The following DKK2 variants were observed in gnomAD, a reference collection of about 807,000 sequenced individuals.
DKK2 encodes dickkopf Wnt signaling pathway inhibitor 2, also known as dickkopf-related protein 2.
DKK2 carries 11 observed loss-of-function variants against 28.1 expected under a neutral mutation model. The observed-to-expected ratio is 0.39, with a 90% confidence interval of 0.25 to 0.65. The LOEUF (loss-of-function observed/expected upper bound fraction) is 0.65. Ranked by LOEUF, DKK2 falls within the 30% of genes least tolerant of loss-of-function variation. The pLI, the probability that DKK2 is intolerant of heterozygous loss-of-function variation, is 0.47. For missense variants in DKK2, 326 were observed against 335.5 expected (o/e 0.97, Z 0.22); for synonymous variants, 135 against 126.5 (o/e 1.07, Z -0.45).
At chr4:106,994,463 TTCTC>T (rs1215654649) in intron 1 of DKK2, among the ~76,000 whole-genome samples, 2 of 145,024 alleles carry the variant, frequency 1.4e-5, no homozygotes. Flanking sequence ...ATCTCTCTCT[TTCTC>T]TCTCTCACAC....
At chr4:107,013,846 A>G (rs1435527491) in intron 1 of DKK2, among the ~76,000 whole-genome samples, 1 of 151,612 alleles carries the variant, frequency 6.6e-6, no homozygotes, top group Non-Finnish European at 1.5e-5. Context: ...CTCCCTAGCA[A>G]AAAACAAATA....
intron 1 of DKK2, among the ~76,000 whole-genome samples, chr4:106,955,449 C>T (rs952956234): frequency 6.6e-6 from 1 of 152,152 alleles, no homozygotes; most frequent in African/African-American, 2.4e-5. Flanking sequence ...GAGGAACAGC[C>T]ACACCACAGT....
chr4:106,929,883 C>A (rs1309216608), intron 1 of DKK2, among the ~76,000 whole-genome samples: 2 of 152,054 alleles, frequency 1.3e-5, no homozygotes, highest in African/African-American at 2.4e-5. Context: ...AAATTAGAGA[C>A]CTTGAGTTCT....
At chr4:106,947,414 G>A (rs1351390566) in intron 1 of DKK2, among the ~76,000 whole-genome samples, 1 of 152,010 alleles carries the variant, frequency 6.6e-6, no homozygotes, top group Non-Finnish European at 1.5e-5. Context: ...ATACTGTAAT[G>A]ATAGTATTTT....
intron 2 of DKK2, among the ~76,000 whole-genome samples, chr4:106,925,403 G>A (rs1333961913): frequency 6.6e-6 from 1 of 152,156 alleles, no homozygotes; most frequent in Non-Finnish European, 1.5e-5. Flanking sequence ...ACTACCATAA[G>A]ACTGAGCCAC....
At chr4:106,996,369 A>G (rs1322438215) in intron 1 of DKK2, among the ~76,000 whole-genome samples, 1 of 152,170 alleles carries the variant, frequency 6.6e-6, no homozygotes, top group African/African-American at 2.4e-5. Flanking sequence ...CTTTCTAGGA[A>G]AGGTAACTGA....
At chr4:107,006,722 G>C (rs1432432155) in intron 1 of DKK2, among the ~76,000 whole-genome samples, 1 of 152,158 alleles carries the variant, frequency 6.6e-6, no homozygotes, top group Non-Finnish European at 1.5e-5. Flanking sequence ...AAAGGCAGCT[G>C]AGAATCTTTG....
At chr4:106,985,592 T>C (rs1315931896) in intron 1 of DKK2, among the ~76,000 whole-genome samples, 3 of 152,074 alleles carry the variant, frequency 2.0e-5, no homozygotes, top group African/African-American at 7.2e-5. Context: ...GCAGATCACC[T>C]GAGGTCAGGA....
At chr4:106,977,771 G>A (rs1238728319) in intron 1 of DKK2, among the ~76,000 whole-genome samples, 1 of 152,156 alleles carries the variant, frequency 6.6e-6, no homozygotes, top group African/African-American at 2.4e-5. Context: ...GTCCAGTTTT[G>A]TTCCCTTGTT....
chr4:106,942,785 C>G (rs916540348), intron 1 of DKK2, among the ~76,000 whole-genome samples: 6 of 151,776 alleles, frequency 4.0e-5, no homozygotes, highest in South Asian at 2.1e-4. Context: ...TTTTTTCCCT[C>G]ACATTGAACA....
intron 1 of DKK2, among the ~76,000 whole-genome samples, chr4:107,032,722 G>T (rs956137): frequency 0.091 from 13,778 of 152,098 alleles, 690 homozygotes; most frequent in African/African-American, 0.12. Context: ...AAGTATAAAG[G>T]GAATTGGGGG....
chr4:106,953,396 TA>T (rs1479688476), intron 1 of DKK2, among the ~76,000 whole-genome samples: 1 of 152,188 alleles, frequency 6.6e-6, no homozygotes, highest in Admixed American at 6.6e-5. Flanking sequence ...CCTTCTGATG[TA>T]AACTCTGTTC....
At chr4:107,011,807 T>C (rs186680088) in intron 1 of DKK2, among the ~76,000 whole-genome samples, 352 of 151,474 alleles carry the variant, frequency 2.3e-3, no homozygotes, top group African/African-American at 8.1e-3. Flanking sequence ...TCAACAATTT[T>C]ACCCAAAGTG....
At chr4:106,988,144 G>T (rs1043523664) in intron 1 of DKK2, among the ~76,000 whole-genome samples, 1 of 152,140 alleles carries the variant, frequency 6.6e-6, no homozygotes. Flanking sequence ...GATTACAGGC[G>T]TGAGCCACCG....
rs112740004 is a variant in DKK2, at chr4:106,979,231, A to T, written c.223-53282T>A. On this transcript the variant is annotated intron_variant, in intron 1 of 3. Transcript: ENST00000285311. Reference sequence around the variant, plus strand: ...CCTCCAGTTGTAGGATATTATATTCATATATTTTCACCCATTACCTCATTA... The same window carrying T: ...CCTCCAGTTGTAGGATATTATATTCTTATATTTTCACCCATTACCTCATTA... Among the ~76,000 whole-genome samples, 973 of 152,216 alleles carry T rather than the reference A, an allele frequency of 6.4e-3. 13 individuals carry two copies. The highest frequency in any genetic ancestry group is 0.022 in the African/African-American group (928 of 41,534).
At chr4:107,022,651 C>T (rs1723714467) in intron 1 of DKK2, among the ~76,000 whole-genome samples, 1 of 152,040 alleles carries the variant, frequency 6.6e-6, no homozygotes, top group South Asian at 2.1e-4. Context: ...CAGATTTTCA[C>T]ATTAGAAAGC....
At chr4:106,983,337 G>GAAGAAAGAAGAAAGAAAGA (rs1553923102) in intron 1 of DKK2, among the ~76,000 whole-genome samples, 1 of 120,432 alleles carries the variant, frequency 8.3e-6, no homozygotes, top group Non-Finnish European at 1.7e-5. Context: ...AGGAAGAAAG[G>GAAGAAAGAAGAAAGAAAGA]AAGAAAGAAA....
intron 1 of DKK2, among the ~76,000 whole-genome samples, chr4:106,926,953 C>A (rs765523679): frequency 4.6e-5 from 7 of 152,082 alleles, no homozygotes; most frequent in Admixed American, 3.9e-4. Flanking sequence ...AATGTCATAA[C>A]CCACATCAAA....
At chr4:106,931,339 T>G (rs949568706) in intron 1 of DKK2, among the ~76,000 whole-genome samples, 1 of 152,134 alleles carries the variant, frequency 6.6e-6, no homozygotes, top group African/African-American at 2.4e-5. Flanking sequence ...TATTTAGTAT[T>G]TATTTATTGA....
Sources: allele counts gnomAD v4.1 joint callset (sites outside exome capture counted in the v4.1 genomes callset), GRCh38; gene constraint gnomAD v4.1.1; transcripts MANE v1.5; gene names NCBI Gene and HGNC (gene_info 2026-07-23, HGNC 2026-07-21).